The following SYT12 variants were observed in gnomAD, a reference collection of about 807,000 sequenced individuals.
SYT12 encodes the protein synaptotagmin 12.
A neutral mutation model predicts 39.5 loss-of-function variants in SYT12; 27 were observed. The ratio of observed to expected loss-of-function variants is 0.68; its 90% CI spans 0.50 to 0.94. The LOEUF (loss-of-function observed/expected upper bound fraction) is 0.94, where lower values mean the gene tolerates loss of function less well. SYT12 is among the 40% of genes least tolerant of loss of function. The pLI, the probability that SYT12 is intolerant of heterozygous loss-of-function variation, is 0.00. For synonymous variants in SYT12, 233 were observed against 239.7 expected (o/e 0.97, Z 0.26); for missense variants, 536 against 572.6 (o/e 0.94, Z 0.65).
At chr11:67,042,047 G>A (rs1167043003) in intron 4 of SYT12, among the ~76,000 whole-genome samples, 2 of 152,152 alleles carry the variant, frequency 1.3e-5, no homozygotes, top group Non-Finnish European at 2.9e-5. Flanking sequence ...ATCAAGTTGG[G>A]GTGGCCCAGC....
intron 1 of SYT12, chr11:67,028,046 C>T (rs1370736899): frequency 6.6e-6 from 1 of 152,214 alleles, no homozygotes; most frequent in Non-Finnish European, 1.5e-5. Flanking sequence ...TGCAGTGAGA[C>T]ACAGTGGTTA....
rs997716103 is a variant in SYT12, at chr11:67,034,575, G to A, written c.35-70G>A. 18 of 1,419,554 alleles carry A rather than the reference G, an allele frequency of 1.3e-5. 1 individual carries two copies. The highest frequency in any genetic ancestry group is 2.4e-4 in the Middle Eastern group (1 of 4,190). 87.9% of individuals were successfully genotyped at this position (1,419,554 alleles called of 1,614,324 possible). On this transcript the variant is annotated intron_variant, in intron 2 of 7. Transcript: ENST00000527043. The stretch of plus-strand genomic sequence containing the variant: ...TAAATATCCATTCAATGTAGAAGTC[G>A]GTGCTGCTCCCCGGGTGGGGGTCTG...
chr11:67,027,825 G>C (rs943574153), intron 1 of SYT12: 3 of 152,278 alleles, frequency 2.0e-5, no homozygotes, highest in Non-Finnish European at 4.4e-5. Flanking sequence ...TGCAAAGTCA[G>C]CTTGTGCCAG....
In SYT12 at chr11:67,045,660, T is replaced by C. The variant is rs747593812; in HGVS notation, c.959-84T>C. The C allele has an allele frequency of 1.3e-5, 20 of 1,554,766 alleles. No homozygotes were observed. The South Asian group carries it at 1.8e-4, about 14-fold the overall frequency. On this transcript the variant is annotated intron_variant, in intron 6 of 7. Coordinates refer to ENST00000527043, the MANE Select transcript of SYT12 (RefSeq NM_177963.4). Reference sequence around the variant, plus strand: ...CAGCAACAGTTAAGCATTGGGGAGTTTGGAGTCGGTGGGTGGAGCCAAACT... The same window carrying C: ...CAGCAACAGTTAAGCATTGGGGAGTCTGGAGTCGGTGGGTGGAGCCAAACT...
intron 3 of SYT12, among the ~76,000 whole-genome samples, chr11:67,037,656 G>T (rs1950407617): frequency 1.3e-5 from 2 of 152,138 alleles, no homozygotes; most frequent in South Asian, 4.2e-4. Flanking sequence ...GCTGAGGTGG[G>T]CATCACCTGA....
At chr11:67,022,678 T>C (rs1291020023), upstream of SYT12, 6 of 152,306 alleles carry the variant, frequency 3.9e-5, no homozygotes, top group Non-Finnish European at 7.3e-5. Flanking sequence ...CTCTGACCTT[T>C]GGCTCTGTGA....
At chr11:67,007,841 G>T (rs1949983239) in intron 1 of SYT12, among the ~76,000 whole-genome samples, 1 of 152,094 alleles carries the variant, frequency 6.6e-6, no homozygotes, top group Non-Finnish European at 1.5e-5. Context: ...TGGGATTACA[G>T]GTGTGAGCCA....
At chr11:67,039,538 CTGG>C (rs1420907200) in intron 3 of SYT12, among the ~76,000 whole-genome samples, 1 of 152,030 alleles carries the variant, frequency 6.6e-6, no homozygotes, top group East Asian at 1.9e-4. Context: ...CACTTGAACC[CTGG>C]ATGCAGAGGT....
At chr11:67,044,824 AG>A in intron 6 of SYT12, 111 bp downstream of exon 6, 1 of 1,496,130 alleles carries the variant, frequency 6.7e-7, no homozygotes, top group Non-Finnish European at 9.1e-7. Flanking sequence ...CACAGTGCCA[AG>A]GTCCCCCTCA....
intron 5 of SYT12, 53 bp from the exon 6 acceptor site, chr11:67,044,540 A>T (rs897217282): frequency 2.0e-5 from 32 of 1,589,322 alleles, no homozygotes; most frequent in East Asian, 1.1e-4. Context: ...CTTTCCCTGG[A>T]CCCCTCAAGT....
In SYT12 at chr11:67,030,085, C is replaced by T. The variant is rs1254524777; in HGVS notation, c.-23-37C>T. ...GACCTAGGAGCGGGACGCTGACTCT[C>T]TGCAGCCCTCTCCTCTCACTCTCTT... On this transcript the variant is annotated intron_variant, in intron 1 of 7. Coordinates refer to ENST00000527043, the MANE Select transcript of SYT12 (RefSeq NM_177963.4). The T allele has an allele frequency of 2.5e-6, 4 of 1,604,544 alleles. No homozygotes were observed. The African/African-American group carries it at 4.0e-5, about 16-fold the overall frequency.
At chr11:67,026,809 C>G (rs1314520893) in intron 1 of SYT12, 1 of 152,152 alleles carries the variant, frequency 6.6e-6, no homozygotes, top group Non-Finnish European at 1.5e-5. Flanking sequence ...ATGTTGGCAA[C>G]TCACTTAAAT....
At chr11:67,039,673 C>A in intron 3 of SYT12, 138 bp from the exon 4 acceptor site, 2 of 1,063,414 alleles carry the variant, frequency 1.9e-6, no homozygotes, top group Non-Finnish European at 2.7e-6. Flanking sequence ...ACCTTCCTAG[C>A]TAAGGGATGC....
At chr11:67,030,029 G>T (rs983203762) in intron 1 of SYT12, 93 bp from the exon 2 acceptor site, 1 of 1,162,850 alleles carries the variant, frequency 8.6e-7, no homozygotes, top group Non-Finnish European at 1.3e-6. Context: ...GTAAGCTCTG[G>T]ATGACAGGCA....
chr11:67,026,203 G>A (rs1468495639), intron 1 of SYT12, among the ~76,000 whole-genome samples: 1 of 152,192 alleles, frequency 6.6e-6, no homozygotes, highest in African/African-American at 2.4e-5. Flanking sequence ...TGCCGACTTA[G>A]CTCCAACTCC....
At chr11:67,017,435 C>A (rs1950067318) in intron 3 of SYT12, among the ~76,000 whole-genome samples, 1 of 151,662 alleles carries the variant, frequency 6.6e-6, no homozygotes, top group Non-Finnish European at 1.5e-5. Flanking sequence ...ACTAGGCTCA[C>A]TGCAACCTCC....
At chr11:67,043,168 G>A (rs900901166) in intron 4 of SYT12, among the ~76,000 whole-genome samples, 2 of 152,160 alleles carry the variant, frequency 1.3e-5, no homozygotes, top group African/African-American at 4.8e-5. Flanking sequence ...GCCCAACCTC[G>A]CCTAGTCCTC....
intron 3 of SYT12, among the ~76,000 whole-genome samples, chr11:67,039,251 G>A (rs1361210126): frequency 6.6e-6 from 1 of 150,874 alleles, no homozygotes; most frequent in African/African-American, 2.4e-5. Context: ...TGCAGTGAAT[G>A]GAGATCGAGC....
chr11:67,030,452 T>G, intron 2 of SYT12: 1 of 446,526 alleles, frequency 2.2e-6, no homozygotes, highest in Non-Finnish European at 4.0e-6. Context: ...GGGGAGACCC[T>G]CATCCTGCTG....
Sources: gnomAD v4.1 joint callset for allele counts (sites outside exome capture counted in the v4.1 genomes callset) on GRCh38, gnomAD v4.1.1 for gene constraint, MANE v1.5 for transcripts, NCBI Gene and HGNC (gene_info 2026-07-23, HGNC 2026-07-21) for gene names.